PAX3: variants seen among roughly 807,000 people sequenced by gnomAD.
The protein encoded by PAX3 is paired box protein Pax-3.
Under a neutral mutation model 51.6 loss-of-function variants are expected in PAX3, and 14 were observed. That is an observed-to-expected ratio of 0.27 (90% confidence interval 0.18 to 0.42). The LOEUF (loss-of-function observed/expected upper bound fraction) is 0.42, where lower values mean the gene tolerates loss of function less well. Among genes scored for constraint, PAX3 ranks in the 10% least tolerant of loss-of-function variants. The pLI, the probability that PAX3 is intolerant of heterozygous loss-of-function variation, is 1.00. For synonymous variants in PAX3, 280 were observed against 253.4 expected, an observed-to-expected ratio of 1.11 and a Z score of -1.00; for missense variants, 540 against 642.8, an observed-to-expected ratio of 0.84 and a Z score of 1.73.
At chr2:222,287,267 A>G (rs1210190047) in intron 4 of PAX3, 1 of 152,266 alleles carries the variant, frequency 6.6e-6, no homozygotes, top group African/African-American at 2.4e-5. Flanking sequence ...AAGGAAAGAA[A>G]GAAAATAGGT....
chr2:222,281,475 G>C (rs1331658264), intron 4 of PAX3, among the ~76,000 whole-genome samples: 1 of 152,226 alleles, frequency 6.6e-6, no homozygotes, highest in Admixed American at 6.5e-5. Flanking sequence ...AAGTTCCCTG[G>C]AGGATGGCTC....
intron 6 of PAX3, among the ~76,000 whole-genome samples, 156 bp from the exon 7 acceptor site, chr2:222,220,510 T>A (rs146776741): frequency 6.6e-6 from 1 of 152,258 alleles, no homozygotes; most frequent in Non-Finnish European, 1.5e-5. Flanking sequence ...AGGTGTAGAA[T>A]CACCCATAAC....
intron 5 of PAX3, among the ~76,000 whole-genome samples, chr2:222,229,844 C>T (rs1305632655): frequency 6.6e-6 from 1 of 152,220 alleles, no homozygotes; most frequent in South Asian, 2.1e-4. Flanking sequence ...TCTCCTTATG[C>T]ACCTGGTCCA....
At position 222,201,350 on chromosome 2, in the gene PAX3, T is replaced by C. The variant is rs893615899; in HGVS notation, c.*58A>G. ...TTTTGTTTTCAGAGCAGATTCTTCA[T>C]ATCTAGGCTGCGAAGACCAGAAACA... is the stretch of plus-strand genomic sequence containing the variant. On this transcript the variant is annotated 3_prime_UTR_variant, in exon 9 of 9. Transcript: ENST00000392070. 6.8e-6 allele frequency: 11 copies of C among 1,611,116 alleles called. No homozygotes were observed. Among genetic ancestry groups the C allele is most frequent in the African/African-American group, 2.7e-5 (2 of 74,084 alleles).
intron 4 of PAX3, among the ~76,000 whole-genome samples, chr2:222,275,875 A>C (rs1694401976): frequency 6.6e-6 from 1 of 152,358 alleles, no homozygotes; most frequent in Admixed American, 6.5e-5. Flanking sequence ...ATTTTTAAAT[A>C]TGTGAGTGTA....
chr2:222,207,116 C>T (rs905225231), intron 7 of PAX3, among the ~76,000 whole-genome samples: 1 of 151,972 alleles, frequency 6.6e-6, no homozygotes, highest in African/African-American at 2.4e-5. Context: ...AATATATTTT[C>T]GGAACCAATC....
rs146750566 is a variant in PAX3, at chr2:222,216,134, G to A, written c.1173+4006C>T. On this transcript the variant is annotated intron_variant, in intron 7 of 8. Coordinates refer to ENST00000392070, the MANE Select transcript of PAX3 (RefSeq NM_181458.4). ...AATTCAGTCGAATATCACTGGGGCA[G>A]CCCTTGGGAAATTTCTTAGGACATT... Among the ~76,000 whole-genome samples, 278 of 152,262 alleles carry A rather than the reference G, an allele frequency of 1.8e-3. 1 individual carries two copies. Among genetic ancestry groups the A allele is most frequent in the African/African-American group, 6.4e-3 (264 of 41,554 alleles).
Position 222,234,504 on chromosome 2 carries a change from G to A in PAX3, c.587-2221C>T, listed in dbSNP as rs1692726481. Among the ~76,000 whole-genome samples, 3 of 152,162 alleles carry A rather than the reference G, an allele frequency of 2.0e-5. No individual in the cohort carries two copies. In the South Asian group the frequency reaches 6.2e-4, roughly 32 times the overall value. ...AGCTAAACTAAATGAGCAATAATTT[G>A]TGCCGAGTCATAGAACAGTGTTTCA... On this transcript the variant is annotated intron_variant, in intron 4 of 8. Coordinates refer to ENST00000392070, the MANE Select transcript of PAX3 (RefSeq NM_181458.4).
rs181709789 is a variant in PAX3 at position 222,211,279 on chromosome 2, C to T, written c.1173+8861G>A. 3.4e-3 allele frequency among the ~76,000 whole-genome samples: 510 copies of T among 152,144 alleles called. 1 individual carries two copies. Among genetic ancestry groups the T allele is most frequent in the Non-Finnish European group, 6.3e-3 (427 of 67,992 alleles). The stretch of plus-strand genomic sequence containing the variant: ...GTCTACAAGACAATTTTTTTAGTAT[C>T]GTCTAAGTTGAACAAGAAGGTACAG... On this transcript the variant is annotated intron_variant, in intron 7 of 8. Coordinates refer to ENST00000392070, the MANE Select transcript of PAX3 (RefSeq NM_181458.4).
intron 4 of PAX3, among the ~76,000 whole-genome samples, chr2:222,251,650 G>T (rs1693437712): frequency 6.6e-6 from 1 of 152,112 alleles, no homozygotes; most frequent in South Asian, 2.1e-4. Context: ...GGGTCAAATG[G>T]TATTTCTAGT....
chr2:222,258,153 T>C (rs1349412674), intron 4 of PAX3, among the ~76,000 whole-genome samples: 1 of 152,018 alleles, frequency 6.6e-6, no homozygotes, highest in African/African-American at 2.4e-5. Flanking sequence ...AAAAGATGAA[T>C]CCATATTACA....
At chr2:222,242,146 A>G (rs934771279) in intron 4 of PAX3, among the ~76,000 whole-genome samples, 30 of 152,216 alleles carry the variant, frequency 2.0e-4, no homozygotes, top group African/African-American at 6.7e-4. Context: ...TTATGAGGGG[A>G]TTTCGCTTAT....
chr2:222,219,629 C>T lies in PAX3; in HGVS notation c.1173+511G>A, dbSNP rs541590409. ...TTTATAACTCGTTTATTCCAGAGTT[C>T]GTAGTCATCAGCTGGGTCTCTCTCC... On this transcript the variant is annotated intron_variant, in intron 7 of 8. Transcript: ENST00000392070. Among the ~76,000 whole-genome samples the T allele has an allele frequency of 3.9e-5, 6 of 152,238 alleles. No homozygotes were observed. The Middle Eastern group carries it at 0.014, about 345-fold the overall frequency.
rs1695459616 is a variant in PAX3, at chr2:222,298,891, C to G, written c.-276G>C. ...GTACGAGTCTGGGCAAATGTTCCAG[C>G]GACTGGGGTCCCTGAAAAGGGGGCT... On this transcript the variant is annotated 5_prime_UTR_variant, in exon 1 of 9. Coordinates refer to ENST00000392070, the MANE Select transcript of PAX3 (RefSeq NM_181458.4). The G allele has an allele frequency of 1.8e-6, 1 of 544,608 alleles. No homozygotes were observed. The highest frequency in any genetic ancestry group is 2.1e-5 in the South Asian group (1 of 47,094). The allele number at this position is 544,608 out of a possible 1,614,324, so 33.7% of individuals were successfully genotyped here.
At chr2:222,249,021 T>G (rs10432544) in intron 4 of PAX3, among the ~76,000 whole-genome samples, 17,604 of 152,128 alleles carry the variant, frequency 0.12, 1,254 homozygotes, top group East Asian at 0.32. Flanking sequence ...ACAAGGAGGC[T>G]CTTTCTTGGT....
chr2:222,266,571 C>T (rs944110191), intron 4 of PAX3, among the ~76,000 whole-genome samples: 3 of 152,172 alleles, frequency 2.0e-5, no homozygotes, highest in East Asian at 1.9e-4. Flanking sequence ...TCTAGATTTG[C>T]GCAAACCTGG....
At chr2:222,246,149 A>T (rs1351718702) in intron 4 of PAX3, among the ~76,000 whole-genome samples, 1 of 152,164 alleles carries the variant, frequency 6.6e-6, no homozygotes, top group African/African-American at 2.4e-5. Flanking sequence ...GCTCTGAGGG[A>T]CTGAAGTTGA....
In PAX3 at chr2:222,212,828, G is replaced by A. The variant is rs45503192; in HGVS notation, c.1173+7312C>T. ...ACATCGCATTCCACCCACATATAAA[G>A]GGTTGATTCAGGCCATTGGCCCCAC... On this transcript the variant is annotated intron_variant, in intron 7 of 8. Transcript: ENST00000392070. 4.8e-3 allele frequency among the ~76,000 whole-genome samples: 734 copies of A among 152,242 alleles called. 33 individuals carry two copies. In the East Asian group the frequency reaches 0.092, roughly 19 times the overall value.
intron 4 of PAX3, chr2:222,262,484 T>C (rs1197998456): frequency 1.3e-5 from 2 of 152,214 alleles, no homozygotes; most frequent in African/African-American, 2.4e-5. Flanking sequence ...GTTTGGCAGA[T>C]AATTTTATTA....
Sources: gnomAD v4.1 joint callset for allele counts (sites outside exome capture counted in the v4.1 genomes callset) on GRCh38, gnomAD v4.1.1 for gene constraint, MANE v1.5 for transcripts, NCBI Gene and HGNC (gene_info 2026-07-23, HGNC 2026-07-21) for gene names.